Variants in CA10 observed in about 807,000 individuals in gnomAD.
The protein encoded by CA10 is carbonic anhydrase 10 (inactive), also known as carbonic anhydrase-related protein 10.
CA10 carries 14 observed loss-of-function variants against 44.2 expected under a neutral mutation model. The ratio of observed to expected loss-of-function variants is 0.32; its 90% CI spans 0.21 to 0.50. The LOEUF (loss-of-function observed/expected upper bound fraction) is 0.50, where lower values mean the gene tolerates loss of function less well. Ranked by LOEUF, CA10 falls within the 20% of genes least tolerant of loss-of-function variation. The pLI is 0.99. For missense variants in CA10, 350 were observed against 409.7 expected, an observed-to-expected ratio of 0.85 and a Z score of 1.26; for synonymous variants, 159 against 141.6, an observed-to-expected ratio of 1.12 and a Z score of -0.87.
At chr17:51,632,114 T>G (rs945113319) in intron 8 of CA10, among the ~76,000 whole-genome samples, 1 of 152,232 alleles carries the variant, frequency 6.6e-6, no homozygotes, top group Non-Finnish European at 1.5e-5. Context: ...ATTTAGATAT[T>G]ATCAATGGCT....
At chr17:51,777,733 C>T (rs1389297842) in intron 3 of CA10, among the ~76,000 whole-genome samples, 1 of 152,144 alleles carries the variant, frequency 6.6e-6, no homozygotes, top group African/African-American at 2.4e-5. Context: ...GAGCTCAAGA[C>T]CAGCTTGGGC....
chr17:51,686,472 T>C (rs1469252162), intron 4 of CA10, among the ~76,000 whole-genome samples: 1 of 152,090 alleles, frequency 6.6e-6, no homozygotes. Context: ...AGTTACACCT[T>C]CAATTGACCT....
intron 2 of CA10, among the ~76,000 whole-genome samples, chr17:51,968,175 A>T (rs1984151060): frequency 6.6e-6 from 1 of 151,908 alleles, no homozygotes; most frequent in Non-Finnish European, 1.5e-5. Context: ...TTAAACATAC[A>T]TCTTTATAAC....
chr17:51,936,526 A>G (rs1982872425), intron 2 of CA10, among the ~76,000 whole-genome samples: 1 of 116,480 alleles, frequency 8.6e-6, no homozygotes, highest in East Asian at 3.2e-4. Context: ...CAGTCTTGGC[A>G]GAGAAGAGCT....
At chr17:52,033,096 A>C (rs1359361250) in intron 2 of CA10, among the ~76,000 whole-genome samples, 5 of 152,294 alleles carry the variant, frequency 3.3e-5, no homozygotes, top group African/African-American at 1.2e-4. Context: ...GTTTCAGAGA[A>C]ATTTTTGCGT....
intron 2 of CA10, among the ~76,000 whole-genome samples, chr17:52,064,274 T>C (rs934862066): frequency 1.3e-5 from 2 of 152,206 alleles, no homozygotes; most frequent in Admixed American, 1.3e-4. Context: ...TTCAGCCTTA[T>C]GGGACTCAGT....
At chr17:52,065,620 C>T (rs1350795547) in intron 2 of CA10, among the ~76,000 whole-genome samples, 1 of 152,174 alleles carries the variant, frequency 6.6e-6, no homozygotes, top group African/African-American at 2.4e-5. Context: ...GAGTTTCAAT[C>T]TCTCCTTTGA....
At chr17:51,930,723 T>C (rs1982621739) in intron 3 of CA10, among the ~76,000 whole-genome samples, 1 of 152,116 alleles carries the variant, frequency 6.6e-6, no homozygotes, top group Admixed American at 6.5e-5. Context: ...ATGCTTTCTG[T>C]CCTTTATGGG....
At chr17:51,651,905 T>C (rs1267554271) in intron 5 of CA10, among the ~76,000 whole-genome samples, 1 of 152,196 alleles carries the variant, frequency 6.6e-6, no homozygotes, top group African/African-American at 2.4e-5. Context: ...TATCTACGGC[T>C]TCACAGTGAG....
chr17:51,711,791 G>A (rs1447610526), intron 4 of CA10, among the ~76,000 whole-genome samples: 1 of 152,224 alleles, frequency 6.6e-6, no homozygotes, highest in African/African-American at 2.4e-5. Context: ...AGCCTCTGAT[G>A]CCCCTTGGCA....
intron 4 of CA10, among the ~76,000 whole-genome samples, chr17:51,729,317 C>A (rs1438393882): frequency 1.3e-5 from 2 of 152,164 alleles, no homozygotes; most frequent in African/African-American, 2.4e-5. Context: ...TCAATGTCAT[C>A]TTTTCAGATG....
intron 2 of CA10, among the ~76,000 whole-genome samples, chr17:51,979,090 T>G (rs2099479371): frequency 6.6e-6 from 1 of 152,074 alleles, no homozygotes; most frequent in Non-Finnish European, 1.5e-5. Flanking sequence ...TCTCCTTCTC[T>G]AGGACCTATG....
chr17:52,063,692 C>G (rs536433445), intron 2 of CA10, among the ~76,000 whole-genome samples: 4 of 152,208 alleles, frequency 2.6e-5, no homozygotes, highest in African/African-American at 7.2e-5. Context: ...TGAGTAGAAA[C>G]AGCCTGAGGC....
chr17:51,906,734 C>T (rs1981571482), intron 3 of CA10, among the ~76,000 whole-genome samples: 1 of 152,104 alleles, frequency 6.6e-6, no homozygotes. Flanking sequence ...CCCATCCCTG[C>T]CAAAGTCCAC....
At chr17:51,848,414 T>A (rs528709695) in intron 3 of CA10, among the ~76,000 whole-genome samples, 1 of 152,316 alleles carries the variant, frequency 6.6e-6, no homozygotes, top group Non-Finnish European at 1.5e-5. Context: ...TGTGCCTAAA[T>A]TGGTCTGATA....
intron 4 of CA10, among the ~76,000 whole-genome samples, chr17:51,707,363 T>C (rs1204779780): frequency 6.6e-6 from 1 of 152,198 alleles, no homozygotes; most frequent in Non-Finnish European, 1.5e-5. Context: ...GCCTAAGCTT[T>C]AGGCACTGTG....
chr17:51,648,632 C>T (rs1018553475), intron 6 of CA10, among the ~76,000 whole-genome samples: 1 of 152,142 alleles, frequency 6.6e-6, no homozygotes, highest in African/African-American at 2.4e-5. Context: ...TCTCTCTTTT[C>T]TGCATAATGA....
chr17:52,067,012 C>G (rs1987555150), intron 2 of CA10, among the ~76,000 whole-genome samples: 1 of 152,142 alleles, frequency 6.6e-6, no homozygotes, highest in Non-Finnish European at 1.5e-5. Flanking sequence ...AGTTTGCAGC[C>G]TGATGATGTG....
At chr17:52,127,316 A>G (rs182676727) in intron 1 of CA10, among the ~76,000 whole-genome samples, 1 of 152,288 alleles carries the variant, frequency 6.6e-6, no homozygotes, top group African/African-American at 2.4e-5. Flanking sequence ...ATAGTATTGT[A>G]TTACATGGAT....
Sources: gnomAD v4.1 joint callset for allele counts (sites outside exome capture counted in the v4.1 genomes callset) on GRCh38, gnomAD v4.1.1 for gene constraint, MANE v1.5 for transcripts, NCBI Gene and HGNC (gene_info 2026-07-23, HGNC 2026-07-21) for gene names.